DNAH10: variants seen among roughly 807,000 people sequenced by gnomAD.
DNAH10 encodes dynein axonemal heavy chain 10, also known as axonemal beta dynein heavy chain 10.
DNAH10 carries 348 observed loss-of-function variants against 506.6 expected under a neutral mutation model. The observed-to-expected ratio is 0.69, with a 90% CI of 0.63 to 0.75. The LOEUF is 0.75. Ranked by LOEUF, DNAH10 falls within the 30% of genes least tolerant of loss-of-function variation. The pLI is 0.00. For synonymous variants in DNAH10, 2,059 were observed against 2,198.6 expected, an observed-to-expected ratio of 0.94 and a Z score of 1.78; for missense variants, 5,179 against 5,787.1, an observed-to-expected ratio of 0.89 and a Z score of 3.41.
At position 123,819,213 on chromosome 12, in the gene DNAH10, T is replaced by C. The variant is rs759328572; in HGVS notation, c.3963T>C (p.Ser1321=). The change falls in exon 23 of 79, where the codon AGT becomes AGC. Residue 1321 remains serine, a synonymous_variant. Transcript: ENST00000673944. ...AGGAGTTTGCAAAGCGTTTTTACAG[T>C]GAAGGCCCTGGTTCTGTTGGTGATG... ...QIEEFAKRFY[S]EGPGSVGDDL... is the part of the protein sequence containing the mutation. 6.2e-7 allele frequency: 1 copy of C among 1,613,464 alleles called. No individual in the cohort carries two copies.
intron 45 of DNAH10, among the ~76,000 whole-genome samples, chr12:123,873,052 T>C (rs1952099376): frequency 6.6e-6 from 1 of 152,244 alleles, no homozygotes; most frequent in East Asian, 1.9e-4. Context: ...TCCCAAAGCC[T>C]GAACCACTTG....
chr12:123,835,451 T>G lies in DNAH10; in HGVS notation c.4825T>G (p.Phe1609Val), dbSNP rs745733999. The G allele has an allele frequency of 1.7e-5, 28 of 1,609,940 alleles. No homozygotes were observed. The highest frequency in any genetic ancestry group is 2.0e-5 in the Non-Finnish European group (24 of 1,177,850). ...AAAATGGATGTATCTTGAAAGTATT[T>G]TTATTGGTGGAGATATAAGATCACA... ...QRKWMYLESIFIGGDIRSQLP... is the reference protein window; with the variant it reads ...QRKWMYLESIVIGGDIRSQLP... The change falls in exon 28 of 79, where the codon TTT becomes GTT. Residue 1609 changes from phenylalanine (F) to valine (V), a missense_variant. Transcript: ENST00000673944.
intron 21 of DNAH10, among the ~76,000 whole-genome samples, chr12:123,816,426 C>T (rs538105513): frequency 3.9e-5 from 6 of 152,154 alleles, no homozygotes; most frequent in Admixed American, 1.3e-4. Context: ...CCATGAACAT[C>T]CCTAAATGAT....
chr12:123,822,652 G>C (rs906248704), intron 24 of DNAH10, among the ~76,000 whole-genome samples: 1 of 151,942 alleles, frequency 6.6e-6, no homozygotes, highest in Non-Finnish European at 1.5e-5. Context: ...ATATCTATGA[G>C]ATTTGTGATG....
Position 123,762,643 on chromosome 12 carries a change from C to G in DNAH10, c.214+93C>G, listed in dbSNP as rs1178287981. 1 of 1,333,138 alleles carries G rather than the reference C, an allele frequency of 7.5e-7. No homozygotes were observed. Among genetic ancestry groups the G allele is most frequent in the East Asian group, 2.8e-5 (1 of 35,362 alleles). The allele number at this position is 1,333,138 out of a possible 1,614,324, so 82.6% of individuals were successfully genotyped here. On this transcript the variant is annotated intron_variant, in intron 1 of 78. Coordinates refer to ENST00000673944, the MANE Select transcript of DNAH10 (RefSeq NM_001372106.1). The surrounding 1 kb of genome is among the most constrained non-coding windows in gnomAD (Gnocchi z 5.0). ...GCCGGGGCTGCTAGAGCCTGCCCAT[C>G]GTCCGGCCCCGGCCTCAGGTGCTGT...
intron 24 of DNAH10, among the ~76,000 whole-genome samples, chr12:123,823,140 C>G (rs1298624689): frequency 6.6e-6 from 1 of 152,222 alleles, no homozygotes. Flanking sequence ...GAGTGAGGCT[C>G]AGAACCAGAG....
chr12:123,861,313 G>A (rs1043549435), intron 39 of DNAH10, 143 bp downstream of exon 39: 6 of 1,080,738 alleles, frequency 5.6e-6, no homozygotes, highest in African/African-American at 1.6e-5. Context: ...GCTGTGCTTC[G>A]GAAGTGCGCA....
chr12:123,811,409 A>G (rs1594086855), intron 19 of DNAH10, among the ~76,000 whole-genome samples: 2 of 149,598 alleles, frequency 1.3e-5, no homozygotes, highest in Admixed American at 1.3e-4. Flanking sequence ...TGCAACCTCC[A>G]CCTCCCGGGT....
At chr12:123,804,698 T>G (rs1236450192) in intron 17 of DNAH10, 135 bp from the exon 18 acceptor site, 1 of 756,106 alleles carries the variant, frequency 1.3e-6, no homozygotes, top group Non-Finnish European at 2.3e-6. Context: ...TGATATTGAC[T>G]TATGTTCTGC....
At chr12:123,832,975 A>T in intron 26 of DNAH10, 139 bp from the exon 27 acceptor site, 1 of 649,188 alleles carries the variant, frequency 1.5e-6, no homozygotes, top group Non-Finnish European at 2.7e-6. Flanking sequence ...ACCATGACAG[A>T]ATCCCAACTT....
chr12:123,864,618 T>A lies in DNAH10; in HGVS notation c.6932T>A (p.Val2311Glu). The A allele has an allele frequency of 6.2e-7, 1 of 1,613,968 alleles. No individual in the cohort carries two copies. Among genetic ancestry groups the A allele is most frequent in the Non-Finnish European group, 8.5e-7 (1 of 1,179,884 alleles). ...AGGTATATTTTATTTGATGGTGATG[T>A]GGATGCTCTATGGGTGGAAAACATG... is the stretch of plus-strand genomic sequence containing the variant. Reference protein sequence around the residue: ...ERKYILFDGDVDALWVENMNS... With the variant: ...ERKYILFDGDEDALWVENMNS... The change falls in exon 40 of 79, where the codon GTG (valine) becomes GAG (glutamate). Residue 2311 changes from valine (V) to glutamate (E), a missense_variant. Physicochemically the swap from Val to Glu is moderately radical, Grantham distance 121. This residue lies in a region of DNAH10 where 4,844 missense variants were observed against 5,430.5 expected (regional missense o/e 0.89). Transcript: ENST00000673944.
At chr12:123,782,979 CA>C (rs1183490176) in intron 6 of DNAH10, 127 bp from the exon 7 acceptor site, 5 of 698,220 alleles carry the variant, frequency 7.2e-6, no homozygotes, top group African/African-American at 7.1e-5. Flanking sequence ...ATTATCAGGA[CA>C]GGGGATGCGT....
chr12:123,896,146 C>CACACATAG (rs1953223749), intron 54 of DNAH10, among the ~76,000 whole-genome samples: 1 of 102,474 alleles, frequency 9.8e-6, no homozygotes, highest in Non-Finnish European at 1.9e-5. Flanking sequence ...CACACACACA[C>CACACATAG]ACAGAGAGAG....
intron 1 of DNAH10, among the ~76,000 whole-genome samples, chr12:123,764,356 A>G (rs1471548015): frequency 1.3e-5 from 2 of 152,152 alleles, no homozygotes; most frequent in African/African-American, 2.4e-5. Flanking sequence ...TTTGGACCTG[A>G]ACATTAGATT....
chr12:123,884,168 G>T (rs996468381), intron 51 of DNAH10, among the ~76,000 whole-genome samples: 1 of 152,166 alleles, frequency 6.6e-6, no homozygotes, highest in Non-Finnish European at 1.5e-5. Context: ...CTGAGTAGCT[G>T]GGATTACAGG....
intron 5 of DNAH10, 57 bp downstream of exon 5, chr12:123,774,321 TG>T: frequency 7.4e-7 from 1 of 1,357,196 alleles, no homozygotes. Flanking sequence ...TCATGTGGTT[TG>T]TTTATTCCAC....
Position 123,925,118 on chromosome 12 carries a change from C to T in DNAH10, c.11835C>T (p.Phe3945=), listed in dbSNP as rs762144498. ...GTTACGATAACAACATCACCCCTTT[C>T]CAGAAGTTGCTTATTTTGCGCTGTT... ...PLGYDNNITP[F]QKLLILRCFR... Residue 3945 remains phenylalanine (F), a synonymous_variant, in exon 68 of 79, where the codon TTC becomes TTT. Transcript: ENST00000673944. The surrounding 1 kb of genome is among the most constrained non-coding windows in gnomAD (Gnocchi z 4.0). 1 of 1,614,034 alleles carries T rather than the reference C, an allele frequency of 6.2e-7. No individual in the cohort carries two copies. Among genetic ancestry groups the T allele is most frequent in the South Asian group, 1.1e-5 (1 of 91,078 alleles).
At position 123,928,418 on chromosome 12, in the gene DNAH10, C is replaced by T; in HGVS notation, c.12137C>T (p.Ala4046Val). The T allele has an allele frequency of 1.2e-6, 2 of 1,605,808 alleles. No homozygotes were observed. The highest frequency in any genetic ancestry group is 2.2e-5 in the South Asian group (2 of 89,480). ...CTGCAGCTGCTGGAGACGGCGGTGG[C>T]TCGGGGGCAGTGGCTGATGCTGCAG... ...VALQLLETAV[A>V]RGQWLMLQNC... is the part of the protein sequence containing the mutation. The change falls in exon 70 of 79, where the codon GCT becomes GTT. Residue 4046 changes from alanine (A) to valine (V), a missense_variant. Physicochemically the swap from Ala to Val is moderately conservative, Grantham distance 64. Around this residue, in one of 3 missense-constraint regions of DNAH10, gnomAD observed 4,844 missense variants for 5,430.5 expected, o/e 0.89. Transcript: ENST00000673944. This position sits in a 1 kb window ranked among gnomAD's most constrained non-coding sequence, Gnocchi z 4.9.
intron 54 of DNAH10, among the ~76,000 whole-genome samples, chr12:123,895,963 A>G (rs1953200731): frequency 6.6e-6 from 1 of 151,940 alleles, no homozygotes; most frequent in Non-Finnish European, 1.5e-5. Context: ...AAATACAAAA[A>G]TTAGCTGGGT....
Sources: allele counts gnomAD v4.1 joint callset (sites outside exome capture counted in the v4.1 genomes callset), GRCh38; gene constraint gnomAD v4.1.1; regional missense constraint gnomAD v4.1.1; non-coding constraint Gnocchi (gnomAD v3.1); transcripts MANE v1.5; gene names NCBI Gene and HGNC (gene_info 2026-07-23, HGNC 2026-07-21).